Variants in SCARF2 observed in about 807,000 individuals in gnomAD.
The protein encoded by SCARF2 is scavenger receptor class F member 2, also known as scavenger receptor expressed by endothelial cells 2 protein.
In SCARF2, 39 loss-of-function variants were observed where a neutral mutation model predicts 73.4. The observed-to-expected ratio is 0.53, with a 90% CI of 0.41 to 0.69. The LOEUF (loss-of-function observed/expected upper bound fraction) is 0.69, where lower values mean the gene tolerates loss of function less well. Among genes scored for constraint, SCARF2 ranks in the 30% least tolerant of loss-of-function variants. SCARF2 has a pLI of 0.00. For missense variants in SCARF2, 1,148 were observed against 1,303.5 expected (o/e 0.88, Z 1.84); for synonymous variants, 605 against 590.0 (o/e 1.03, Z -0.37).
At position 20,425,496 on chromosome 22, in the gene SCARF2, G is replaced by C; in HGVS notation, c.2480C>G (p.Ala827Gly). The C allele has an allele frequency of 7.3e-7, 1 of 1,360,812 alleles. No individual in the cohort carries two copies. The highest frequency in any genetic ancestry group is 9.5e-7 in the Non-Finnish European group (1 of 1,057,308). 84.3% of individuals were successfully genotyped at this position (1,360,812 alleles called of 1,614,324 possible). ...PATETPGPEK[A>G]ATDLPAPETP... ...CTCAGGCGCGGGCAAGTCGGTCGCC[G>C]CCTTCTCAGGCCCCGGGGTTTCGGT... The change falls in exon 11 of 11, where the codon GCG (alanine) becomes GGG (glycine). Residue 827 changes from alanine to glycine, a missense_variant. Coordinates refer to ENST00000622235, the MANE Select transcript of SCARF2 (RefSeq NM_182895.5). The surrounding 1 kb of genome is among the most constrained non-coding windows in gnomAD (Gnocchi z 4.6).
In SCARF2 at chr22:20,431,752, G is replaced by A. The variant is rs1203804961; in HGVS notation, c.327C>T (p.Cys109=). ...RCRHGYFGAN[C]DTKCPRQFWG... Reference sequence around the variant, plus strand: ...GCCCGACCCCACGCTCACTGGTGTCGCAGTTGGCACCGAAGTAGCCGTGGC... The same window carrying A: ...GCCCGACCCCACGCTCACTGGTGTCACAGTTGGCACCGAAGTAGCCGTGGC... The change falls in exon 3 of 11, where the codon TGC becomes TGT. Residue 109 remains cysteine (C), a synonymous_variant. Transcript: ENST00000622235. 5 of 1,576,396 alleles carry A rather than the reference G, an allele frequency of 3.2e-6. No homozygotes were observed. The highest frequency in any genetic ancestry group is 4.3e-6 in the Non-Finnish European group (5 of 1,162,052).
In SCARF2 at chr22:20,429,541, C is replaced by T; in HGVS notation, c.1419G>A (p.Thr473=). 1 of 1,612,742 alleles carries T rather than the reference C, an allele frequency of 6.2e-7. No homozygotes were observed. Among genetic ancestry groups the T allele is most frequent in the Non-Finnish European group, 8.5e-7 (1 of 1,179,714 alleles). The part of the protein sequence containing the change: ...CCCACRGKDP[T]RRELSLGRKK... Reference sequence around the variant, plus strand: ...GGGGCAGTATCTGGGCTCACCGGCGCGTAGGGTCCTTGCCGCGGCAAGCGC... The same window carrying T: ...GGGGCAGTATCTGGGCTCACCGGCGTGTAGGGTCCTTGCCGCGGCAAGCGC... Residue 473 remains threonine (T), a synonymous_variant, in exon 8 of 11, where the codon ACG becomes ACA. Coordinates refer to ENST00000622235, the MANE Select transcript of SCARF2 (RefSeq NM_182895.5). This position sits in a 1 kb window ranked among gnomAD's most constrained non-coding sequence, Gnocchi z 5.2.
chr22:20,426,331 G>A (rs1334720480), intron 10 of SCARF2, 49 bp from the exon 11 acceptor site: 6 of 1,525,440 alleles, frequency 3.9e-6, no homozygotes, highest in Non-Finnish European at 5.3e-6. Context: ...ATACCTTTAG[G>A]GGCTCCAACC....
At chr22:20,432,066 C>T (rs1167084011) in intron 1 of SCARF2, 78 bp from the exon 2 acceptor site, 10 of 1,418,526 alleles carry the variant, frequency 7.0e-6, no homozygotes, top group East Asian at 4.9e-5. Context: ...CCGCAGCCTC[C>T]GCACAGCCTC....
At position 20,431,846 on chromosome 22, in the gene SCARF2, G is replaced by A. The variant is rs1375410421; in HGVS notation, c.233C>T (p.Ala78Val). ...WRQQGDECGI[A>V]VCEGNSTCSE... ...GCACGTGGAGTTGCCTTCGCACACC[G>A]CTGTGGACGAGACAGGCCAGAGCTG... The change falls in exon 3 of 11, where the codon GCG (alanine) becomes GTG (valine). Residue 78 changes from alanine to valine, a missense_variant and splice_region_variant. Coordinates refer to ENST00000622235, the MANE Select transcript of SCARF2 (RefSeq NM_182895.5). The A allele has an allele frequency of 6.3e-7, 1 of 1,597,382 alleles. No homozygotes were observed. The highest frequency in any genetic ancestry group is 1.1e-5 in the South Asian group (1 of 88,298).
Position 20,429,803 on chromosome 22 carries a change from G to T in SCARF2, c.1233C>A (p.His411Gln). Residue 411 changes from histidine to glutamine, a missense_variant, in exon 7 of 11, where the codon CAC becomes CAA. This residue lies in a region of SCARF2 where 372 missense variants were observed against 532.0 expected (regional missense o/e 0.70). Coordinates refer to ENST00000622235, the MANE Select transcript of SCARF2 (RefSeq NM_182895.5). The surrounding 1 kb of genome is among the most constrained non-coding windows in gnomAD (Gnocchi z 5.2). The part of the protein sequence containing the change: ...HCNVTCPPGL[H>Q]GADCAQACSC... ...TGCAGGCCTGAGCACAGTCCGCGCC[G>T]TGGAGTCCGGGCGGGCACGTCACGT... The T allele has an allele frequency of 6.2e-7, 1 of 1,613,242 alleles. No individual in the cohort carries two copies. Among genetic ancestry groups the T allele is most frequent in the Non-Finnish European group, 8.5e-7 (1 of 1,179,854 alleles).
chr22:20,432,728 G>C (rs1487980089), intron 1 of SCARF2, among the ~76,000 whole-genome samples: 2 of 152,182 alleles, frequency 1.3e-5, no homozygotes, highest in Admixed American at 1.3e-4. Flanking sequence ...TGCCTTTGTT[G>C]TTGGTTTTGA....
chr22:20,426,196 C>T lies in SCARF2; in HGVS notation c.1780G>A (p.Ala594Thr), dbSNP rs1240703638. Residue 594 changes from alanine to threonine, a missense_variant, in exon 11 of 11, where the codon GCC (alanine) becomes ACC (threonine). Around this residue, in one of 5 missense-constraint regions of SCARF2, gnomAD observed 437 missense variants for 433.6 expected, o/e 1.01. Transcript: ENST00000622235. ...APSPVPLTTP[A>T]SAEEAIPLPA... ...AGGGGTATCGCCTCCTCGGCGGAGG[C>T]TGGCGTGGTCAAGGGCACAGGGGAC... 3 of 1,518,124 alleles carry T rather than the reference C, an allele frequency of 2.0e-6. No homozygotes were observed. Among genetic ancestry groups the T allele is most frequent in the South Asian group, 2.4e-5 (2 of 81,952 alleles). 94.0% of individuals were successfully genotyped at this position (1,518,124 alleles called of 1,614,324 possible). A position where few individuals can be genotyped will look rare whatever the true frequency, so the allele number is the denominator to read the frequency against.
chr22:20,431,708 G>T (rs2052650343), intron 3 of SCARF2, 37 bp downstream of exon 3: 11 of 1,083,092 alleles, frequency 1.0e-5, no homozygotes, highest in Non-Finnish European at 1.4e-5. Flanking sequence ...CCAGGATTCC[G>T]CCCCACCGAC....
intron 1 of SCARF2, among the ~76,000 whole-genome samples, chr22:20,436,428 C>T (rs912287049): frequency 6.6e-6 from 1 of 152,058 alleles, no homozygotes; most frequent in Non-Finnish European, 1.5e-5. Context: ...CGGGGAGGCC[C>T]GGGAGTCCGC....
intron 1 of SCARF2, among the ~76,000 whole-genome samples, chr22:20,434,912 C>T (rs2052683790): frequency 6.6e-6 from 1 of 152,188 alleles, no homozygotes; most frequent in Non-Finnish European, 1.5e-5. Context: ...TGCTGCCCCG[C>T]CTGGACACCT....
In SCARF2 at chr22:20,426,173, G is replaced by A. The variant is rs1456574544; in HGVS notation, c.1803C>T (p.Pro601=). The A allele has an allele frequency of 2.7e-6, 4 of 1,496,694 alleles. No individual in the cohort carries two copies. Among genetic ancestry groups the A allele is most frequent in the Admixed American group, 2.2e-5 (1 of 45,132 alleles). The allele number at this position is 1,496,694 out of a possible 1,614,324, so 92.7% of individuals were successfully genotyped here. A position where few individuals can be genotyped will look rare whatever the true frequency, so the allele number is the denominator to read the frequency against. The part of the protein sequence containing the change: ...TTPASAEEAI[P]LPASSDSERS... ...GCTCGCTGTCGGAGGACGCGGGGAGGGGTATCGCCTCCTCGGCGGAGGCTG... is the reference window on the plus strand; with the variant it reads ...GCTCGCTGTCGGAGGACGCGGGGAGAGGTATCGCCTCCTCGGCGGAGGCTG... Residue 601 remains proline (P), a synonymous_variant, in exon 11 of 11, where the codon CCC becomes CCT. Transcript: ENST00000622235.
chr22:20,429,451 G>A lies in SCARF2; in HGVS notation c.1424+85C>T. 3.2e-6 allele frequency: 5 copies of A among 1,575,400 alleles called. No homozygotes were observed. Among genetic ancestry groups the A allele is most frequent in the South Asian group, 1.1e-5 (1 of 88,172 alleles). ...GGGCGGGGCCACGTCCGGGGCAGGGGCGCGGAAGGGTTGGATCTGGGTCCG... is the reference window on the plus strand; with the variant it reads ...GGGCGGGGCCACGTCCGGGGCAGGGACGCGGAAGGGTTGGATCTGGGTCCG... On this transcript the variant is annotated intron_variant, in intron 8 of 10. Coordinates refer to ENST00000622235, the MANE Select transcript of SCARF2 (RefSeq NM_182895.5). This position sits in a 1 kb window ranked among gnomAD's most constrained non-coding sequence, Gnocchi z 5.2.
In SCARF2 at chr22:20,425,361, C is replaced by T. The variant is rs767393223; in HGVS notation, c.*14G>A. The stretch of plus-strand genomic sequence containing the variant: ...CGAAGCTGAGGGAGCTGCGCGCGGA[C>T]GAGCCACAGCCTGCTACAGGGTGGG... On this transcript the variant is annotated 3_prime_UTR_variant, in exon 11 of 11. Transcript: ENST00000622235. This position sits in a 1 kb window ranked among gnomAD's most constrained non-coding sequence, Gnocchi z 4.6. 1.4e-6 allele frequency: 2 copies of T among 1,385,032 alleles called. No homozygotes were observed. Among genetic ancestry groups the T allele is most frequent in the Non-Finnish European group, 1.9e-6 (2 of 1,063,868 alleles). The allele number at this position is 1,385,032 out of a possible 1,614,324, so 85.8% of individuals were successfully genotyped here. A position where few individuals can be genotyped will look rare whatever the true frequency, so the allele number is the denominator to read the frequency against.
chr22:20,425,325 G>T lies in SCARF2; in HGVS notation c.*50C>A, dbSNP rs773296315. The T allele has an allele frequency of 2.7e-5, 35 of 1,314,696 alleles. No homozygotes were observed. The highest frequency in any genetic ancestry group is 3.4e-5 in the Admixed American group (1 of 29,240). The allele number at this position is 1,314,696 out of a possible 1,614,324, so 81.4% of individuals were successfully genotyped here. On this transcript the variant is annotated 3_prime_UTR_variant, in exon 11 of 11. Coordinates refer to ENST00000622235, the MANE Select transcript of SCARF2 (RefSeq NM_182895.5). The surrounding 1 kb of genome is among the most constrained non-coding windows in gnomAD (Gnocchi z 4.6). ...GGTAGCGTGGGAGGTGTGGGGTGGC[G>T]GGCGGCGCTGCGAAGCTGAGGGAGC...
In SCARF2 at chr22:20,425,463, C is replaced by CG. The variant is rs1326577677; in HGVS notation, c.2512dup (p.Arg838ProfsTer214). 8 of 1,407,048 alleles carry CG rather than the reference C, an allele frequency of 5.7e-6. No individual in the cohort carries two copies. Among genetic ancestry groups the CG allele is most frequent in the South Asian group, 1.5e-5 (1 of 64,830 alleles). The allele number at this position is 1,407,048 out of a possible 1,614,324, so 87.2% of individuals were successfully genotyped here. A position where few individuals can be genotyped will look rare whatever the true frequency, so the allele number is the denominator to read the frequency against. On this transcript the variant is annotated frameshift_variant, in exon 11 of 11. Coordinates refer to ENST00000622235, the MANE Select transcript of SCARF2 (RefSeq NM_182895.5). LOFTEE classifies it high-confidence loss of function. This position sits in a 1 kb window ranked among gnomAD's most constrained non-coding sequence, Gnocchi z 4.6. ...CGGCTTCTGGATGGGGGTCTTCTTCCGGGGGGTCTCAGGCGCGGGCAAGTC... is the reference window on the plus strand; with the variant it reads ...CGGCTTCTGGATGGGGGTCTTCTTCCGGGGGGGTCTCAGGCGCGGGCAAGTC...
At position 20,425,888 on chromosome 22, in the gene SCARF2, C is replaced by T. The variant is rs751689392; in HGVS notation, c.2088G>A (p.Lys696=). The T allele has an allele frequency of 4.1e-5, 65 of 1,598,432 alleles. No individual in the cohort carries two copies. The highest frequency in any genetic ancestry group is 5.3e-5 in the Non-Finnish European group (62 of 1,175,404). ...ATTTGTCGCTGGGCGTCCGTTTCCT[C>T]TTGCTGGGGCTGGGCGCGGCCTCGG... ...PGSEAAPSPS[K]RKRTPSDKSA... The change falls in exon 11 of 11, where the codon AAG becomes AAA. Residue 696 remains lysine, a synonymous_variant. Transcript: ENST00000622235. This position sits in a 1 kb window ranked among gnomAD's most constrained non-coding sequence, Gnocchi z 4.6.
chr22:20,429,612 G>A lies in SCARF2; in HGVS notation c.1348C>T (p.Leu450Phe), dbSNP rs763153549. 2 of 1,613,674 alleles carry A rather than the reference G, an allele frequency of 1.2e-6. No individual in the cohort carries two copies. Among genetic ancestry groups the A allele is most frequent in the Admixed American group, 3.3e-5 (2 of 60,032 alleles). The change falls in exon 8 of 11, where the codon CTC (leucine) becomes TTC (phenylalanine). Residue 450 changes from leucine (L) to phenylalanine (F), a missense_variant. Leu to Phe is a conservative substitution (Grantham distance 22). Coordinates refer to ENST00000622235, the MANE Select transcript of SCARF2 (RefSeq NM_182895.5). This position sits in a 1 kb window ranked among gnomAD's most constrained non-coding sequence, Gnocchi z 5.2. The part of the protein sequence containing the change: ...RKGVMGAGAL[L>F]VLLVCLLLSL... ...AGCAGCAGGCAGACGAGCAGGACGA[G>A]CAGCGCGCCCGCGCCCATCACGCCC...
Position 20,426,084 on chromosome 22 carries a change from G to A in SCARF2, c.1892C>T (p.Ala631Val). ...CTCGCCCCGGGCCCGGGCCGGCCGG[G>A]CCTCGCGTCGGGCCACGCGCGCGTA... ...ALYARVARRE[A>V]RPARARGEIG... Residue 631 changes from alanine (A) to valine (V), a missense_variant, in exon 11 of 11, where the codon GCC becomes GTC. Ala to Val is a moderately conservative substitution (Grantham distance 64). Transcript: ENST00000622235. 6.6e-7 allele frequency: 1 copy of A among 1,518,886 alleles called. No homozygotes were observed. The highest frequency in any genetic ancestry group is 1.2e-5 in the South Asian group (1 of 81,018). The allele number at this position is 1,518,886 out of a possible 1,614,324, so 94.1% of individuals were successfully genotyped here. A position where few individuals can be genotyped will look rare whatever the true frequency, so the allele number is the denominator to read the frequency against.
Sources: gnomAD v4.1 joint callset for allele counts (sites outside exome capture counted in the v4.1 genomes callset) on GRCh38, gnomAD v4.1.1 for gene constraint, gnomAD v4.1.1 regional missense constraint, Gnocchi (gnomAD v3.1) non-coding constraint, MANE v1.5 for transcripts, NCBI Gene and HGNC (gene_info 2026-07-23, HGNC 2026-07-21) for gene names.